The following C4orf50 variants were observed in gnomAD, a reference collection of about 807,000 sequenced individuals.
C4orf50 encodes chromosome 4 open reading frame 50.
A neutral mutation model predicts 77.2 loss-of-function variants in C4orf50; 80 were observed. That is an observed-to-expected ratio of 1.04 (90% CI 0.87 to 1.25). The LOEUF is 1.25. Among genes scored for constraint, C4orf50 ranks in the 50% most tolerant of loss-of-function variants. The pLI is 0.00. For missense variants in C4orf50, 1,257 were observed against 1,152.9 expected, an observed-to-expected ratio of 1.09 and a Z score of -1.31; for synonymous variants, 532 against 465.3, an observed-to-expected ratio of 1.14 and a Z score of -1.84.
Position 5,945,829 on chromosome 4 carries a change from G to A in C4orf50, c.*2474+11072C>T, listed in dbSNP as rs142963190. ...CTGCCCTCTGTGTTTTCTCACACTC[G>A]GCTGCCCTGCTGGCTGTTGTTCTGC... On this transcript the variant is annotated intron_variant, in intron 7 of 7. Transcript: ENST00000324058. Among the ~76,000 whole-genome samples the A allele has an allele frequency of 2.1e-3, 316 of 152,226 alleles. 1 individual carries two copies. The highest frequency in any genetic ancestry group is 6.6e-3 in the African/African-American group (276 of 41,518).
At chr4:5,946,060 T>C (rs929025091) in intron 7 of C4orf50, among the ~76,000 whole-genome samples, 1 of 152,224 alleles carries the variant, frequency 6.6e-6, no homozygotes, top group African/African-American at 2.4e-5. Flanking sequence ...GGCTCCTCTA[T>C]GGCAGACCCC....
chr4:5,960,505 G>A (rs1719213264), intron 33 of C4orf50, among the ~76,000 whole-genome samples: 1 of 152,090 alleles, frequency 6.6e-6, no homozygotes, highest in South Asian at 2.1e-4. Flanking sequence ...CCTCACTGGT[G>A]GAAGACGGCT....
intron 33 of C4orf50, among the ~76,000 whole-genome samples, chr4:5,961,746 G>A (rs576755189): frequency 1.6e-4 from 25 of 152,266 alleles, no homozygotes; most frequent in African/African-American, 5.8e-4. Context: ...TATAGAGGGC[G>A]AAACATCTCC....
At position 5,970,463 on chromosome 4, in the gene C4orf50, G is replaced by T. The variant is rs1444725539; in HGVS notation, c.4105-3001C>A. On this transcript the variant is annotated intron_variant, in intron 31 of 33. Coordinates refer to ENST00000531445, the Ensembl canonical transcript of C4orf50. The surrounding 1 kb of genome is among the most constrained non-coding windows in gnomAD (Gnocchi z 4.3). ...GCTGGACAGAATCAGCAGAGTAGGA[G>T]GAGGGAAGCCAGGGCGGATACAAGG... 6.6e-6 allele frequency among the ~76,000 whole-genome samples: 1 copy of T among 152,168 alleles called. No individual in the cohort carries two copies. Among genetic ancestry groups the T allele is most frequent in the Non-Finnish European group, 1.5e-5 (1 of 68,034 alleles).
intron 28 of C4orf50, among the ~76,000 whole-genome samples, chr4:5,984,811 G>C (rs1377879746): frequency 6.6e-6 from 1 of 151,352 alleles, no homozygotes; most frequent in Non-Finnish European, 1.5e-5. Context: ...AATTTTCTAA[G>C]TCTGACAGAA....
At position 6,003,633 on chromosome 4, in the gene C4orf50, G is replaced by C. The variant is rs1026313855; in HGVS notation, c.963+4363C>G. On this transcript the variant is annotated intron_variant, in intron 25 of 33. Transcript: ENST00000531445. ...GATGATGGTGATGGTGGTGATGACG[G>C]TGATGATGTGATAGTGATGATGGTG... is the stretch of plus-strand genomic sequence containing the variant. 4.0e-3 allele frequency among the ~76,000 whole-genome samples: 481 copies of C among 119,562 alleles called. 18 individuals carry two copies. The Admixed American group carries it at 0.042, about 11-fold the overall frequency. The allele number at this position is 119,562 out of a possible 152,430, so 78.4% of individuals were successfully genotyped here. A position where few individuals can be genotyped will look rare whatever the true frequency, so the allele number is the denominator to read the frequency against.
At chr4:5,911,307 A>T (rs1204699374) in intron 7 of C4orf50, among the ~76,000 whole-genome samples, 1 of 152,172 alleles carries the variant, frequency 6.6e-6, no homozygotes, top group Non-Finnish European at 1.5e-5. Flanking sequence ...TTGCCCAAAC[A>T]TGGATGTGTC....
intron 23 of C4orf50, 42 bp from the exon 2 acceptor site, chr4:6,012,010 T>G (rs1000241567): frequency 1.0e-5 from 4 of 398,872 alleles, no homozygotes; most frequent in African/African-American, 8.2e-5. Context: ...CAGGGTGCAG[T>G]CAACATGGCC....
intron 28 of C4orf50, among the ~76,000 whole-genome samples, chr4:5,981,201 A>G (rs1720563231): frequency 6.6e-6 from 1 of 152,042 alleles, no homozygotes; most frequent in Non-Finnish European, 1.5e-5. Flanking sequence ...GCGTTTTTCC[A>G]TATTACCAAA....
intron 7 of C4orf50, among the ~76,000 whole-genome samples, chr4:5,934,724 C>CGAG (rs1212425332): frequency 6.6e-6 from 1 of 152,168 alleles, no homozygotes; most frequent in African/African-American, 2.4e-5. Flanking sequence ...AAGCCTAGAA[C>CGAG]GAGGGTTTAC....
chr4:5,952,429 C>T (rs570743637), downstream of C4orf50, among the ~76,000 whole-genome samples: 1 of 152,306 alleles, frequency 6.6e-6, no homozygotes, highest in East Asian at 1.9e-4. The surrounding 1 kb of genome is among the most constrained non-coding windows in gnomAD (Gnocchi z 4.4). Context: ...GCAGGCACCT[C>T]CAGGGCGAGG....
At chr4:5,918,990 G>C (rs1039006476) in intron 7 of C4orf50, among the ~76,000 whole-genome samples, 15 of 152,292 alleles carry the variant, frequency 9.8e-5, no homozygotes, top group African/African-American at 3.6e-4. Flanking sequence ...CCTCTGCACA[G>C]ATGGGGAAAC....
chr4:5,922,915 C>T (rs371346880), intron 7 of C4orf50, among the ~76,000 whole-genome samples: 27 of 152,316 alleles, frequency 1.8e-4, no homozygotes, highest in African/African-American at 5.5e-4. Flanking sequence ...GGAGCCTAGA[C>T]CTTCACCTCA....
chr4:5,973,704 T>G, exon 31 of C4orf50: 1 of 1,613,956 alleles, frequency 6.2e-7, no homozygotes, highest in Non-Finnish European at 8.5e-7. Flanking sequence ...ACTCAGCCAG[T>G]GCCACGTCGT....
chr4:5,958,454 A>G lies in C4orf50; in HGVS notation c.*921T>C, dbSNP rs1719090375. Reference sequence around the variant, plus strand: ...TCCCTCGTACAGCAGCACCCTTCCCACCTCACCCACCGGACACTGCCCAGC... The same window carrying G: ...TCCCTCGTACAGCAGCACCCTTCCCGCCTCACCCACCGGACACTGCCCAGC... On this transcript the variant is annotated 3_prime_UTR_variant, in exon 34 of 34. Coordinates refer to ENST00000531445, the Ensembl canonical transcript of C4orf50. The surrounding 1 kb of genome is among the most constrained non-coding windows in gnomAD (Gnocchi z 5.4). 1 of 152,010 alleles carries G rather than the reference A, an allele frequency of 6.6e-6. No homozygotes were observed. The highest frequency in any genetic ancestry group is 1.5e-5 in the Non-Finnish European group (1 of 68,068). The allele number at this position is 152,010 out of a possible 1,614,324, so 9.4% of individuals were successfully genotyped here. A position where few individuals can be genotyped will look rare whatever the true frequency, so the allele number is the denominator to read the frequency against.
intron 31 of C4orf50, among the ~76,000 whole-genome samples, chr4:5,968,133 G>C (rs7671339): frequency 6.6e-6 from 1 of 152,182 alleles, no homozygotes; most frequent in Non-Finnish European, 1.5e-5. Context: ...CAACATCCTG[G>C]TCATGCTCTT....
chr4:6,000,000 G>C (rs1025412100), intron 25 of C4orf50, among the ~76,000 whole-genome samples: 1 of 152,098 alleles, frequency 6.6e-6, no homozygotes, highest in Non-Finnish European at 1.5e-5. Context: ...GAACACCGGG[G>C]GCCTTGAATG....
exon 28 of C4orf50, chr4:5,989,434 G>C (rs1721118817): frequency 7.8e-6 from 12 of 1,536,088 alleles, no homozygotes; most frequent in Non-Finnish European, 1.0e-5. Context: ...ACTCTCTTTA[G>C]ACTTCGCTTC....
At chr4:5,976,120 G>A (rs959466813) in intron 29 of C4orf50, among the ~76,000 whole-genome samples, 165 bp from the exon 8 acceptor site, 4 of 152,164 alleles carry the variant, frequency 2.6e-5, no homozygotes, top group Non-Finnish European at 5.9e-5. Flanking sequence ...CTGCCTGGCA[G>A]GATCAGGGGA....
Sources: gnomAD v4.1 joint callset for allele counts (sites outside exome capture counted in the v4.1 genomes callset) on GRCh38, gnomAD v4.1.1 for gene constraint, Gnocchi (gnomAD v3.1) non-coding constraint, MANE v1.5 for transcripts, NCBI Gene and HGNC (gene_info 2026-07-23, HGNC 2026-07-21) for gene names.